HMCN1: variants seen among roughly 807,000 people sequenced by gnomAD.
HMCN1 encodes hemicentin-1.
A neutral mutation model predicts 625.9 loss-of-function variants in HMCN1; 321 were observed. The observed-to-expected ratio is 0.51, with a 90% confidence interval of 0.47 to 0.56. The LOEUF is 0.56. Ranked by LOEUF, HMCN1 falls within the 20% of genes least tolerant of loss-of-function variation. The pLI, the probability that HMCN1 is intolerant of heterozygous loss-of-function variation, is 0.00. For synonymous variants in HMCN1, 2,425 were observed against 2,417.6 expected, an observed-to-expected ratio of 1.00 and a Z score of -0.09; for missense variants, 6,588 against 6,887.3, an observed-to-expected ratio of 0.96 and a Z score of 1.54.
rs1338113453 is a variant in HMCN1 at position 186,057,343 on chromosome 1, A to T, written c.7254A>T (p.Ile2418=). The change falls in exon 46 of 107, where the codon ATA becomes ATT. Residue 2418 remains isoleucine, a synonymous_variant. Transcript: ENST00000271588. ...CEASGIPLPS[I]TWFKDGWPVS... ...CTTCTGGAATTCCCCTGCCTTCCATAACCTGGTTCAAAGATGGGTGGCCTG... is the reference window on the plus strand; with the variant it reads ...CTTCTGGAATTCCCCTGCCTTCCATTACCTGGTTCAAAGATGGGTGGCCTG... 2 of 1,610,740 alleles carry T rather than the reference A, an allele frequency of 1.2e-6. No homozygotes were observed. The highest frequency in any genetic ancestry group is 3.3e-5 in the Admixed American group (2 of 59,868).
At chr1:185,895,689 A>T (rs2102421990) in intron 4 of HMCN1, among the ~76,000 whole-genome samples, 1 of 152,258 alleles carries the variant, frequency 6.6e-6, no homozygotes, top group East Asian at 1.9e-4. Flanking sequence ...ATTTCCAAAT[A>T]TTTCTTTTGT....
intron 1 of HMCN1, among the ~76,000 whole-genome samples, chr1:185,823,580 C>T (rs1255631803): frequency 6.6e-6 from 1 of 152,136 alleles, no homozygotes; most frequent in Non-Finnish European, 1.5e-5. Flanking sequence ...ACCAGTCGGT[C>T]ATGAGCTTCC....
chr1:186,007,042 G>T, intron 29 of HMCN1, 86 bp from the exon 30 acceptor site: 1 of 992,586 alleles, frequency 1.0e-6, no homozygotes, highest in Non-Finnish European at 1.6e-6. Flanking sequence ...TGTATTTTTA[G>T]CCTGTACTAA....
chr1:186,121,892 C>T (rs1217560168), intron 80 of HMCN1, among the ~76,000 whole-genome samples: 1 of 152,060 alleles, frequency 6.6e-6, no homozygotes, highest in Admixed American at 6.6e-5. Context: ...GCAGGGATAT[C>T]GTTGGAAAAC....
chr1:185,865,974 T>TA, intron 4 of HMCN1, 111 bp downstream of exon 4: 1 of 1,016,520 alleles, frequency 9.8e-7, no homozygotes, highest in Admixed American at 1.9e-5. Flanking sequence ...CCAAAAGGTA[T>TA]AACTCCAAGG....
intron 83 of HMCN1, among the ~76,000 whole-genome samples, chr1:186,129,277 T>G (rs1260186714): frequency 1.3e-5 from 2 of 151,488 alleles, no homozygotes; most frequent in East Asian, 3.9e-4. Flanking sequence ...TTAGTCAGAA[T>G]TTTATTTAGT....
At chr1:185,833,922 C>A (rs1661022343) in intron 1 of HMCN1, among the ~76,000 whole-genome samples, 1 of 152,090 alleles carries the variant, frequency 6.6e-6, no homozygotes, top group African/African-American at 2.4e-5. Context: ...TTATTATACA[C>A]ACATATACAT....
intron 9 of HMCN1, among the ~76,000 whole-genome samples, chr1:185,925,666 C>T (rs916777908): frequency 2.7e-5 from 4 of 149,268 alleles, no homozygotes; most frequent in South Asian, 4.3e-4. Context: ...TGAATAATGC[C>T]GGTAGGTGGA....
At chr1:185,995,574 G>A (rs1383022831) in intron 24 of HMCN1, among the ~76,000 whole-genome samples, 1 of 152,152 alleles carries the variant, frequency 6.6e-6, no homozygotes, top group African/African-American at 2.4e-5. Context: ...TGTTTAGGCG[G>A]TGATGAGAAA....
At chr1:185,836,437 TTTTA>T (rs1268984592) in intron 1 of HMCN1, among the ~76,000 whole-genome samples, 2 of 152,192 alleles carry the variant, frequency 1.3e-5, no homozygotes, top group Admixed American at 6.5e-5. Flanking sequence ...TGTTTTGCCT[TTTTA>T]TTTATTATAT....
In HMCN1 at chr1:186,076,547, G is replaced by T; in HGVS notation, c.8410G>T (p.Ala2804Ser). 6.2e-7 allele frequency: 1 copy of T among 1,613,752 alleles called. No homozygotes were observed. The highest frequency in any genetic ancestry group is 8.5e-7 in the Non-Finnish European group (1 of 1,179,778). The change falls in exon 54 of 107, where the codon GCT (alanine) becomes TCT (serine). Residue 2804 changes from alanine (A) to serine (S), a missense_variant. Physicochemically the swap from Ala to Ser is moderately conservative, Grantham distance 99. Around this residue, in one of 3 missense-constraint regions of HMCN1, gnomAD observed 4,628 missense variants for 4,853.1 expected, o/e 0.95. Coordinates refer to ENST00000271588, the MANE Select transcript of HMCN1 (RefSeq NM_031935.3). ...TTCTCTTTACTGTGAGACAAATGCT[G>T]CTCCCCCTCCTACACTGACATGGTA... ...PISLYCETNA[A>S]PPPTLTWYKD...
chr1:186,086,094 G>A, intron 57 of HMCN1, 152 bp from the exon 58 acceptor site: 1 of 688,030 alleles, frequency 1.5e-6, no homozygotes, highest in Non-Finnish European at 2.5e-6. Flanking sequence ...GTTTGATGAA[G>A]GCATTAGGGA....
At chr1:185,748,998 T>C (rs1571300261) in intron 1 of HMCN1, among the ~76,000 whole-genome samples, 1 of 152,324 alleles carries the variant, frequency 6.6e-6, no homozygotes, top group East Asian at 1.9e-4. Flanking sequence ...TGATAAATGT[T>C]AAATCTCTGG....
chr1:186,018,207 T>C lies in HMCN1; in HGVS notation c.5325T>C (p.Ile1775=). The change falls in exon 34 of 107, where the codon ATT becomes ATC. Residue 1775 remains isoleucine (I), a synonymous_variant. Transcript: ENST00000271588. The stretch of plus-strand genomic sequence containing the variant: ...GGTGGCTGAAGGATGGCCAGTTAAT[T>C]GATGAAAGGGATGGATTCAAGATTT... ...TIMWLKDGQL[I]DERDGFKILL... is the part of the protein sequence containing the mutation. 1 of 1,612,754 alleles carries C rather than the reference T, an allele frequency of 6.2e-7. No homozygotes were observed. The highest frequency in any genetic ancestry group is 8.5e-7 in the Non-Finnish European group (1 of 1,179,022).
At chr1:185,940,854 C>A (rs982900657) in intron 11 of HMCN1, among the ~76,000 whole-genome samples, 2 of 152,174 alleles carry the variant, frequency 1.3e-5, no homozygotes, top group Non-Finnish European at 2.9e-5. Flanking sequence ...GCCTCTACCT[C>A]CCAGGTTCAA....
At chr1:186,053,098 A>T (rs1035000096) in intron 43 of HMCN1, 24 bp downstream of exon 43, 4 of 1,587,878 alleles carry the variant, frequency 2.5e-6, no homozygotes, top group Admixed American at 1.7e-5. Context: ...CTTGAAATTT[A>T]TAAAATTAAA....
At chr1:186,047,331 G>A (rs2102258480) in intron 41 of HMCN1, among the ~76,000 whole-genome samples, 1 of 152,250 alleles carries the variant, frequency 6.6e-6, no homozygotes, top group Non-Finnish European at 1.5e-5. Context: ...AAAGCATCTG[G>A]TAAAGTTCTC....
intron 1 of HMCN1, among the ~76,000 whole-genome samples, chr1:185,831,534 C>G (rs1660861110): frequency 6.6e-6 from 1 of 151,830 alleles, no homozygotes; most frequent in African/African-American, 2.4e-5. Context: ...GGAGTACTAG[C>G]CAATGCAATT....
chr1:185,912,126 G>C (rs2102456270), intron 6 of HMCN1, among the ~76,000 whole-genome samples: 1 of 152,290 alleles, frequency 6.6e-6, no homozygotes, highest in African/African-American at 2.4e-5. Flanking sequence ...GCTCTGTTTT[G>C]AAACTGCCTG....
Sources: allele counts gnomAD v4.1 joint callset (sites outside exome capture counted in the v4.1 genomes callset), GRCh38; gene constraint gnomAD v4.1.1; regional missense constraint gnomAD v4.1.1; transcripts MANE v1.5; gene names NCBI Gene and HGNC (gene_info 2026-07-23, HGNC 2026-07-21).